Variants in ROBO1 observed in about 807,000 individuals in gnomAD.
ROBO1 encodes the protein roundabout homolog 1.
Under a neutral mutation model 195.9 loss-of-function variants are expected in ROBO1, and 149 were observed. The observed-to-expected ratio is 0.76, with a 90% confidence interval of 0.67 to 0.87. ROBO1 has a LOEUF of 0.87. Ranked by LOEUF, ROBO1 falls within the 40% of genes least tolerant of loss-of-function variation. The pLI is 0.00. For synonymous variants in ROBO1, 816 were observed against 733.2 expected, an observed-to-expected ratio of 1.11 and a Z score of -1.82; for missense variants, 1,933 against 2,068.3, an observed-to-expected ratio of 0.93 and a Z score of 1.27.
At chr3:79,734,317 T>TA (rs1441778816) in intron 1 of ROBO1, among the ~76,000 whole-genome samples, 1 of 152,136 alleles carries the variant, frequency 6.6e-6, no homozygotes, top group Admixed American at 6.6e-5. Flanking sequence ...CTCTCACATC[T>TA]AAAAAACATA....
At chr3:78,666,350 G>A (rs1257398809) in intron 14 of ROBO1, among the ~76,000 whole-genome samples, 2 of 152,178 alleles carry the variant, frequency 1.3e-5, no homozygotes, top group South Asian at 2.1e-4. Context: ...CTAAATGAAT[G>A]TTCAGACAGA....
intron 2 of ROBO1, among the ~76,000 whole-genome samples, chr3:79,521,631 A>ACAAAAG (rs1041830198): frequency 6.6e-6 from 1 of 152,212 alleles, no homozygotes; most frequent in African/African-American, 2.4e-5. Context: ...CAAATCCCAC[A>ACAAAAG]CAAAAGGTAT....
rs77155971 is a variant in ROBO1, at chr3:79,100,014, C to T, written c.172+25442G>A. 4.0e-3 allele frequency among the ~76,000 whole-genome samples: 604 copies of T among 151,650 alleles called. 6 individuals carry two copies. Among genetic ancestry groups the T allele is most frequent in the African/African-American group, 0.014 (565 of 41,406 alleles). On this transcript the variant is annotated intron_variant, in intron 3 of 30. Transcript: ENST00000464233. The stretch of plus-strand genomic sequence containing the variant: ...GTAGCTGTATGAAGTCCAGGGTTAG[C>T]GGGGAAAGAAATACCATGAAATTTA...
chr3:79,065,614 C>T (rs2078991105), intron 3 of ROBO1, among the ~76,000 whole-genome samples: 1 of 151,866 alleles, frequency 6.6e-6, no homozygotes, highest in Non-Finnish European at 1.5e-5. Flanking sequence ...TGAAAGGACT[C>T]TATTGGTCAA....
intron 2 of ROBO1, among the ~76,000 whole-genome samples, chr3:79,160,846 G>A (rs1353195173): frequency 2.0e-5 from 3 of 151,920 alleles, no homozygotes; most frequent in African/African-American, 7.2e-5. Flanking sequence ...GTTTGTAACT[G>A]GGGCTAAGCC....
At chr3:79,520,042 C>G (rs1017202090) in intron 2 of ROBO1, among the ~76,000 whole-genome samples, 26 of 151,648 alleles carry the variant, frequency 1.7e-4, no homozygotes, top group Non-Finnish European at 3.8e-4. Flanking sequence ...GTGGCACAAG[C>G]CTGTAGTCTC....
At chr3:78,724,472 T>C (rs1023228971) in intron 5 of ROBO1, among the ~76,000 whole-genome samples, 1 of 147,468 alleles carries the variant, frequency 6.8e-6, no homozygotes, top group African/African-American at 2.5e-5. Flanking sequence ...GGTCAACAGT[T>C]TGAGACCAGC....
At chr3:79,127,456 A>G (rs2080237576) in intron 2 of ROBO1, among the ~76,000 whole-genome samples, 1 of 152,210 alleles carries the variant, frequency 6.6e-6, no homozygotes, top group Non-Finnish European at 1.5e-5. Context: ...AATTTTATGA[A>G]TTATTTTTTA....
At chr3:78,934,700 G>T (rs980474450) in intron 4 of ROBO1, among the ~76,000 whole-genome samples, 2 of 151,740 alleles carry the variant, frequency 1.3e-5, no homozygotes, top group Non-Finnish European at 2.9e-5. Context: ...CAAAATGGGG[G>T]GACCCAATTT....
intron 4 of ROBO1, among the ~76,000 whole-genome samples, chr3:78,899,911 G>A (rs116593884): frequency 2.1e-3 from 316 of 152,260 alleles, no homozygotes; most frequent in African/African-American, 7.0e-3. Context: ...ATTAGGAACC[G>A]TATTAATGAA....
At chr3:79,617,438 A>G (rs1216054906) in intron 1 of ROBO1, among the ~76,000 whole-genome samples, 2 of 152,198 alleles carry the variant, frequency 1.3e-5, no homozygotes, top group East Asian at 3.9e-4. Context: ...GCATTTCAAA[A>G]AACCATACAC....
chr3:78,638,937 A>G (rs928517396), intron 22 of ROBO1, among the ~76,000 whole-genome samples: 1 of 151,972 alleles, frequency 6.6e-6, no homozygotes, highest in Non-Finnish European at 1.5e-5. Flanking sequence ...TATCAACATA[A>G]ATACATTTGA....
At chr3:78,830,909 T>C (rs1384426219) in intron 4 of ROBO1, among the ~76,000 whole-genome samples, 2 of 148,842 alleles carry the variant, frequency 1.3e-5, no homozygotes, top group Non-Finnish European at 3.0e-5. Context: ...TGTTTGTTTG[T>C]TTTGTTTTTG....
chr3:79,106,307 A>G (rs2079778422), intron 3 of ROBO1, among the ~76,000 whole-genome samples: 1 of 151,736 alleles, frequency 6.6e-6, no homozygotes, highest in Non-Finnish European at 1.5e-5. Context: ...TTATTAGAAT[A>G]TACTAGTGCG....
At chr3:79,121,867 T>C (rs1160270197) in intron 3 of ROBO1, among the ~76,000 whole-genome samples, 2 of 152,044 alleles carry the variant, frequency 1.3e-5, no homozygotes, top group Admixed American at 6.6e-5. Context: ...AGATTAAGAA[T>C]GTTAGTAGGA....
intron 4 of ROBO1, among the ~76,000 whole-genome samples, chr3:78,888,899 T>C (rs1350331564): frequency 6.6e-6 from 1 of 152,216 alleles, no homozygotes; most frequent in Non-Finnish European, 1.5e-5. Flanking sequence ...AAAAACTAAC[T>C]GTTCACCTTT....
chr3:79,666,541 T>C (rs1037865531), intron 1 of ROBO1, among the ~76,000 whole-genome samples: 4 of 151,874 alleles, frequency 2.6e-5, no homozygotes, highest in African/African-American at 9.7e-5. Flanking sequence ...GTGGGGGCAG[T>C]TCCCCTCATA....
rs1382956862 is a variant in ROBO1, at chr3:79,009,143, G to T, written c.173-70216C>A. 3.5e-5 allele frequency among the ~76,000 whole-genome samples: 5 copies of T among 143,530 alleles called. No individual in the cohort carries two copies. The South Asian group carries it at 1.1e-3, about 32-fold the overall frequency. The allele number at this position is 143,530 out of a possible 152,430, so 94.2% of individuals were successfully genotyped here. A position where few individuals can be genotyped will look rare whatever the true frequency, so the allele number is the denominator to read the frequency against. On this transcript the variant is annotated intron_variant, in intron 3 of 30. Transcript: ENST00000464233. ...TTTTTTTTTTTTTTTTAGTAGAGAC[G>T]GGGTTTCACCATGTTGGCCAGGCTG...
At chr3:78,668,624 A>T in intron 11 of ROBO1, 59 bp from the exon 12 acceptor site, 1 of 1,511,828 alleles carries the variant, frequency 6.6e-7, no homozygotes, top group East Asian at 2.3e-5. Context: ...TGGGCTGGAA[A>T]AGCAATTACA....
Sources: allele counts gnomAD v4.1 joint callset (sites outside exome capture counted in the v4.1 genomes callset), GRCh38; gene constraint gnomAD v4.1.1; transcripts MANE v1.5; gene names NCBI Gene and HGNC (gene_info 2026-07-23, HGNC 2026-07-21).